RARB: variants seen among roughly 807,000 people sequenced by gnomAD.
RARB encodes HBV-activated protein.
A neutral mutation model predicts 51.9 loss-of-function variants in RARB; 17 were observed. The ratio of observed to expected loss-of-function variants is 0.33; its 90% CI spans 0.22 to 0.49. RARB has a LOEUF of 0.49. Ranked by LOEUF, RARB falls within the 20% of genes least tolerant of loss-of-function variation. RARB has a pLI of 0.99. For missense variants in RARB, 369 were observed against 550.8 expected (o/e 0.67, Z 3.30); for synonymous variants, 215 against 195.4 (o/e 1.10, Z -0.84).
chr3:25,085,285 C>T (rs1299951073), intron 3 of RARB, among the ~76,000 whole-genome samples: 1 of 152,144 alleles, frequency 6.6e-6, no homozygotes, highest in Admixed American at 6.5e-5. Flanking sequence ...ACACATCCTA[C>T]ATTGAAGCAT....
intron 2 of RARB, among the ~76,000 whole-genome samples, chr3:24,899,434 A>G (rs1474753832): frequency 6.6e-6 from 1 of 152,168 alleles, no homozygotes. Flanking sequence ...CTGTTTGTGG[A>G]AAGGTTCCGT....
intron 5 of RARB, among the ~76,000 whole-genome samples, chr3:25,216,944 T>A (rs1701848186): frequency 6.6e-6 from 1 of 152,082 alleles, no homozygotes; most frequent in Non-Finnish European, 1.5e-5. Context: ...GCCTATGTAT[T>A]TTTTACAAAT....
chr3:24,910,900 A>G (rs1694976781), intron 2 of RARB, among the ~76,000 whole-genome samples: 1 of 152,190 alleles, frequency 6.6e-6, no homozygotes, highest in African/African-American at 2.4e-5. Flanking sequence ...CTGTGTGCCC[A>G]AAAGGAAAAG....
chr3:24,956,725 T>C (rs1221528439), intron 2 of RARB, among the ~76,000 whole-genome samples: 1 of 152,244 alleles, frequency 6.6e-6, no homozygotes, highest in African/African-American at 2.4e-5. Flanking sequence ...TTGGATCTTC[T>C]TAACATTGTA....
intron 5 of RARB, among the ~76,000 whole-genome samples, chr3:25,280,957 A>C (rs1239096604): frequency 6.6e-6 from 1 of 152,150 alleles, no homozygotes; most frequent in Non-Finnish European, 1.5e-5. Context: ...AAAAGAAGGA[A>C]GATCACTTAC....
intron 2 of RARB, among the ~76,000 whole-genome samples, chr3:24,891,332 A>AT (rs748952636): frequency 2.0e-5 from 3 of 152,124 alleles, no homozygotes; most frequent in Non-Finnish European, 4.4e-5. Context: ...GCATGTCTAC[A>AT]TTGGAAGCTT....
At chr3:25,016,205 A>C (rs1366813526) in intron 2 of RARB, among the ~76,000 whole-genome samples, 2 of 152,186 alleles carry the variant, frequency 1.3e-5, no homozygotes, top group East Asian at 1.9e-4. Context: ...TGTACTTATA[A>C]ATTTCAATAC....
intron 2 of RARB, among the ~76,000 whole-genome samples, chr3:24,972,845 C>CAAAAA (rs1696431035): frequency 6.6e-6 from 1 of 151,782 alleles, no homozygotes; most frequent in South Asian, 2.1e-4. Flanking sequence ...AGTTTATTTG[C>CAAAAA]TACTGAGTTG....
At chr3:25,417,467 C>A (rs1707734413) in intron 5 of RARB, among the ~76,000 whole-genome samples, 1 of 152,160 alleles carries the variant, frequency 6.6e-6, no homozygotes, top group Non-Finnish European at 1.5e-5. Context: ...GGGGGCAGAT[C>A]TTTCCTGTGC....
chr3:25,041,324 C>T (rs1231426964), intron 2 of RARB, among the ~76,000 whole-genome samples: 1 of 152,226 alleles, frequency 6.6e-6, no homozygotes, highest in East Asian at 1.9e-4. Context: ...ATATGATTCA[C>T]AAGTTTTTTT....
chr3:25,138,838 T>C (rs998358632), intron 4 of RARB, among the ~76,000 whole-genome samples: 4 of 152,184 alleles, frequency 2.6e-5, no homozygotes, highest in African/African-American at 7.2e-5. Context: ...TTTGCAGATA[T>C]TGTATATTTT....
intron 2 of RARB, among the ~76,000 whole-genome samples, chr3:24,882,340 C>G (rs1575052059): frequency 6.6e-6 from 1 of 152,118 alleles, no homozygotes; most frequent in African/African-American, 2.4e-5. Flanking sequence ...TCTAGATATT[C>G]CTTGTTATTC....
intron 1 of RARB, among the ~76,000 whole-genome samples, chr3:25,437,684 T>C (rs1708491671): frequency 6.6e-6 from 1 of 152,190 alleles, no homozygotes; most frequent in Non-Finnish European, 1.5e-5. Flanking sequence ...GGATTATACA[T>C]TTTTGTCACA....
intron 5 of RARB, among the ~76,000 whole-genome samples, chr3:25,392,480 C>T (rs1397839444): frequency 6.6e-6 from 1 of 151,994 alleles, no homozygotes; most frequent in Admixed American, 6.6e-5. Flanking sequence ...TTGCTTTTGG[C>T]AGTATGGCCA....
At chr3:25,119,331 A>T (rs1440900279) in intron 3 of RARB, among the ~76,000 whole-genome samples, 1 of 152,100 alleles carries the variant, frequency 6.6e-6, no homozygotes. Flanking sequence ...CAGAAGTTTG[A>T]ACCCTTGTTC....
chr3:25,232,088 G>A (rs572771152), intron 5 of RARB, among the ~76,000 whole-genome samples: 1 of 151,964 alleles, frequency 6.6e-6, no homozygotes, highest in East Asian at 1.9e-4. Context: ...TTTTCTGAGG[G>A]GTATTTGTTG....
chr3:25,039,545 T>G (rs1273379887), intron 2 of RARB, among the ~76,000 whole-genome samples: 1 of 152,196 alleles, frequency 6.6e-6, no homozygotes, highest in Non-Finnish European at 1.5e-5. Context: ...GAGTTCACAT[T>G]CGAGTGGGGC....
intron 2 of RARB, among the ~76,000 whole-genome samples, chr3:25,036,179 G>A (rs529912180): frequency 2.0e-5 from 3 of 152,202 alleles, no homozygotes; most frequent in Admixed American, 6.5e-5. Context: ...CAAAAATAAG[G>A]GAACGAATAC....
chr3:24,871,425 T>C (rs529749614), intron 2 of RARB, among the ~76,000 whole-genome samples: 28 of 152,314 alleles, frequency 1.8e-4, no homozygotes, highest in African/African-American at 6.7e-4. Context: ...CATTTGGCTT[T>C]TAGGGCATTC....
Sources: allele counts gnomAD v4.1 joint callset (sites outside exome capture counted in the v4.1 genomes callset), GRCh38; gene constraint gnomAD v4.1.1; transcripts MANE v1.5; gene names NCBI Gene and HGNC (gene_info 2026-07-23, HGNC 2026-07-21).